The following SGPP2 variants were observed in gnomAD, a reference collection of about 807,000 sequenced individuals.
SGPP2 encodes sphingosine-1-phosphate phosphatase 2.
A neutral mutation model predicts 33.9 loss-of-function variants in SGPP2; 30 were observed. The observed-to-expected ratio is 0.89, with a 90% CI of 0.66 to 1.20. The LOEUF (loss-of-function observed/expected upper bound fraction) is 1.20. Among genes scored for constraint, SGPP2 ranks in the 50% most tolerant of loss-of-function variants. The pLI, the probability that SGPP2 is intolerant of heterozygous loss-of-function variation, is 0.00. For missense variants in SGPP2, 458 were observed against 532.1 expected (o/e 0.86, Z 1.37); for synonymous variants, 233 against 225.0 (o/e 1.04, Z -0.32).
chr2:222,458,909 A>G (rs1478431968), intron 1 of SGPP2, among the ~76,000 whole-genome samples: 1 of 152,162 alleles, frequency 6.6e-6, no homozygotes, highest in Non-Finnish European at 1.5e-5. Context: ...GTACATATTA[A>G]GTAGGCCCAG....
At chr2:222,525,422 A>C (rs1698743842) in intron 4 of SGPP2, among the ~76,000 whole-genome samples, 1 of 152,164 alleles carries the variant, frequency 6.6e-6, no homozygotes, top group Admixed American at 6.5e-5. Context: ...GCCTGAAATC[A>C]GGGGTCTCCA....
intron 1 of SGPP2, among the ~76,000 whole-genome samples, chr2:222,428,785 C>CTTTTTTTTTTTTTTTT (rs58239129): frequency 1.3e-5 from 1 of 75,344 alleles, no homozygotes; most frequent in African/African-American, 5.1e-5. Flanking sequence ...ACATGGTTTT[C>CTTTTTTTTTTTTTTTT]TTTTTTTTTT....
At chr2:222,553,488 C>G (rs1354921565) in intron 4 of SGPP2, among the ~76,000 whole-genome samples, 2 of 152,144 alleles carry the variant, frequency 1.3e-5, no homozygotes, top group African/African-American at 4.8e-5. Context: ...TCCGAGTTTT[C>G]TATTTAGACT....
chr2:222,513,651 A>G (rs180956386), intron 2 of SGPP2, among the ~76,000 whole-genome samples: 5 of 151,918 alleles, frequency 3.3e-5, no homozygotes, highest in African/African-American at 1.2e-4. Flanking sequence ...GACCAATCCA[A>G]TGACAAGTTC....
chr2:222,536,509 G>A (rs2106145295), intron 4 of SGPP2, among the ~76,000 whole-genome samples: 1 of 152,128 alleles, frequency 6.6e-6, no homozygotes, highest in East Asian at 1.9e-4. Context: ...GTAAAACCCT[G>A]TCTCTACTAA....
At chr2:222,479,404 T>C (rs1697995539) in intron 2 of SGPP2, among the ~76,000 whole-genome samples, 1 of 143,012 alleles carries the variant, frequency 7.0e-6, no homozygotes, top group African/African-American at 2.6e-5. Context: ...CCCTTCTTTT[T>C]TTTTTTTTTT....
chr2:222,433,137 GA>G (rs1697183369), intron 1 of SGPP2, among the ~76,000 whole-genome samples: 1 of 151,798 alleles, frequency 6.6e-6, no homozygotes, highest in African/African-American at 2.4e-5. Context: ...AAACAAAGCA[GA>G]AAAAAAATTT....
intron 1 of SGPP2, among the ~76,000 whole-genome samples, chr2:222,470,719 T>C (rs564088218): frequency 2.6e-5 from 4 of 152,358 alleles, no homozygotes; most frequent in Admixed American, 2.6e-4. Flanking sequence ...GCGAGGCTTT[T>C]GTTAGAGTTC....
chr2:222,511,432 A>G (rs1698525844), intron 2 of SGPP2, among the ~76,000 whole-genome samples: 1 of 152,142 alleles, frequency 6.6e-6, no homozygotes, highest in Non-Finnish European at 1.5e-5. Flanking sequence ...GCCCCTAGCC[A>G]GTTTACTAAG....
intron 2 of SGPP2, among the ~76,000 whole-genome samples, chr2:222,500,237 G>A (rs1015315750): frequency 6.6e-5 from 10 of 152,136 alleles, no homozygotes; most frequent in African/African-American, 1.9e-4. Context: ...TAGTGATGGT[G>A]CACCACTGGG....
At chr2:222,431,771 A>AG in intron 1 of SGPP2, among the ~76,000 whole-genome samples, 1 of 152,228 alleles carries the variant, frequency 6.6e-6, no homozygotes, top group Admixed American at 6.5e-5. Context: ...GAAGAGGTTG[A>AG]GGGGTGGGGA....
At chr2:222,539,197 A>C (rs776068240) in intron 4 of SGPP2, among the ~76,000 whole-genome samples, 2 of 152,210 alleles carry the variant, frequency 1.3e-5, no homozygotes, top group African/African-American at 4.8e-5. Context: ...ACTTCCATTC[A>C]AAAAGGGAGA....
intron 4 of SGPP2, among the ~76,000 whole-genome samples, chr2:222,555,886 A>G (rs1169231714): frequency 6.6e-6 from 1 of 152,210 alleles, no homozygotes; most frequent in East Asian, 1.9e-4. Flanking sequence ...AGAATTCCAA[A>G]TAACAGTCCT....
chr2:222,546,818 CAT>C (rs1018954659), intron 4 of SGPP2, among the ~76,000 whole-genome samples: 2 of 131,124 alleles, frequency 1.5e-5, no homozygotes, highest in African/African-American at 6.2e-5. Context: ...TTCTTTTACA[CAT>C]GTTGCAAAAA....
At chr2:222,513,403 A>G (rs16863820) in intron 2 of SGPP2, among the ~76,000 whole-genome samples, 6,694 of 152,196 alleles carry the variant, frequency 0.044, 502 homozygotes, top group African/African-American at 0.15. Context: ...GTGCGGGAAA[A>G]ATGATCTCGT....
At chr2:222,492,076 C>G (rs1698205300) in intron 2 of SGPP2, among the ~76,000 whole-genome samples, 1 of 152,160 alleles carries the variant, frequency 6.6e-6, no homozygotes, top group Admixed American at 6.5e-5. Flanking sequence ...TGGGCAGCTC[C>G]TTCGTATGCT....
chr2:222,450,554 C>T (rs996323798), intron 1 of SGPP2, among the ~76,000 whole-genome samples: 3 of 152,180 alleles, frequency 2.0e-5, no homozygotes, highest in Admixed American at 6.5e-5. Context: ...CCTCCAAAAG[C>T]AGTAAGATGG....
At chr2:222,557,218 T>C (rs574803183) in intron 4 of SGPP2, among the ~76,000 whole-genome samples, 84 of 152,298 alleles carry the variant, frequency 5.5e-4, no homozygotes, top group Non-Finnish European at 8.8e-5. Flanking sequence ...GCCTGTCTCT[T>C]TACCAGACCG....
At chr2:222,445,093 G>C (rs1216727128) in intron 1 of SGPP2, among the ~76,000 whole-genome samples, 1 of 152,148 alleles carries the variant, frequency 6.6e-6, no homozygotes, top group Non-Finnish European at 1.5e-5. Flanking sequence ...GGCCACTTCT[G>C]TGGAGCCCCC....
Sources: gnomAD v4.1 joint callset for allele counts (sites outside exome capture counted in the v4.1 genomes callset) on GRCh38, gnomAD v4.1.1 for gene constraint, MANE v1.5 for transcripts, NCBI Gene and HGNC (gene_info 2026-07-23, HGNC 2026-07-21) for gene names.